Variants in SNX29 observed in about 807,000 individuals in gnomAD.
SNX29 encodes the protein sorting nexin-29.
In SNX29, 78 loss-of-function variants were observed where a neutral mutation model predicts 102.1. The ratio of observed to expected loss-of-function variants is 0.76; its 90% CI spans 0.64 to 0.92. The LOEUF is 0.92. Ranked by LOEUF, SNX29 falls within the 40% of genes least tolerant of loss-of-function variation. The pLI is 0.00. For missense variants in SNX29, 1,280 were observed against 1,061.7 expected, an observed-to-expected ratio of 1.21 and a Z score of -2.86; for synonymous variants, 580 against 414.5, an observed-to-expected ratio of 1.40 and a Z score of -4.85.
At chr16:12,306,826 C>T (rs1298910304) in intron 15 of SNX29, among the ~76,000 whole-genome samples, 1 of 152,192 alleles carries the variant, frequency 6.6e-6, no homozygotes, top group Non-Finnish European at 1.5e-5. Flanking sequence ...TCCCTGGTGG[C>T]CAGCCCCTAG....
chr16:12,263,829 C>T (rs1225790969), intron 14 of SNX29, among the ~76,000 whole-genome samples: 1 of 152,144 alleles, frequency 6.6e-6, no homozygotes, highest in African/African-American at 2.4e-5. Context: ...GTAATTCAGT[C>T]AGGAAGGAAT....
At chr16:12,544,947 C>G (rs1313406781) in intron 20 of SNX29, among the ~76,000 whole-genome samples, 2 of 152,210 alleles carry the variant, frequency 1.3e-5, no homozygotes, top group African/African-American at 4.8e-5. Context: ...CACTGTATTT[C>G]CAGATGAGGA....
At chr16:12,237,098 T>A (rs1341395155) in intron 14 of SNX29, among the ~76,000 whole-genome samples, 1 of 152,178 alleles carries the variant, frequency 6.6e-6, no homozygotes, top group African/African-American at 2.4e-5. Flanking sequence ...GTTGGCTGTT[T>A]GCAGCAGTTG....
intron 15 of SNX29, among the ~76,000 whole-genome samples, chr16:12,302,712 C>T (rs1212983546): frequency 6.6e-6 from 1 of 152,252 alleles, no homozygotes; most frequent in East Asian, 1.9e-4. Context: ...CACAAACATT[C>T]AGACCATAGT....
rs540952612 is a variant in SNX29, at chr16:12,530,434, A to G, written c.2318+5593A>G. Among the ~76,000 whole-genome samples the G allele has an allele frequency of 4.1e-4, 62 of 152,276 alleles. 5 individuals carry two copies. The South Asian group carries it at 0.013, about 31-fold the overall frequency. On this transcript the variant is annotated intron_variant, in intron 20 of 20. Coordinates refer to ENST00000566228, the MANE Select transcript of SNX29 (RefSeq NM_032167.5). ...TGAGGAAGTAAACAGCACCCACCCC[A>G]TGCACACCTACCCTTGCACTCACTG... is the stretch of plus-strand genomic sequence containing the variant.
chr16:12,396,714 A>G (rs528763880), intron 16 of SNX29, among the ~76,000 whole-genome samples: 3 of 152,348 alleles, frequency 2.0e-5, no homozygotes, highest in South Asian at 4.1e-4. Flanking sequence ...GGAAGGCACC[A>G]TCTCTGACAC....
In SNX29 at chr16:12,524,815, C is replaced by T. The variant is rs750764942; in HGVS notation, c.2292C>T (p.Thr764=). 6.2e-7 allele frequency: 1 copy of T among 1,613,496 alleles called. No homozygotes were observed. Among genetic ancestry groups the T allele is most frequent in the South Asian group, 1.1e-5 (1 of 91,042 alleles). ...PEFAASPKKE[T]LIQLMPFFVD... Reference sequence around the variant, plus strand: ...TCGCTGCCAGCCCCAAGAAGGAGACCCTCATCCAGCTGATGCCCTTCTTCG... The same window carrying T: ...TCGCTGCCAGCCCCAAGAAGGAGACTCTCATCCAGCTGATGCCCTTCTTCG... Residue 764 remains threonine (T), a synonymous_variant, in exon 20 of 21, where the codon ACC becomes ACT. Coordinates refer to ENST00000566228, the MANE Select transcript of SNX29 (RefSeq NM_032167.5).
intron 16 of SNX29, among the ~76,000 whole-genome samples, chr16:12,397,695 C>G (rs1459169740): frequency 6.6e-6 from 1 of 152,216 alleles, no homozygotes; most frequent in Non-Finnish European, 1.5e-5. Flanking sequence ...ACATCTACCA[C>G]TACTGGGCAT....
intron 14 of SNX29, among the ~76,000 whole-genome samples, chr16:12,253,494 G>A (rs2078480597): frequency 1.3e-5 from 2 of 152,148 alleles, no homozygotes; most frequent in Non-Finnish European, 2.9e-5. Context: ...GGAGTGTGGG[G>A]AGATCATGAC....
At chr16:12,047,720 G>T (rs142395091) in intron 6 of SNX29, among the ~76,000 whole-genome samples, 6 of 149,782 alleles carry the variant, frequency 4.0e-5, no homozygotes, top group African/African-American at 1.5e-4. Context: ...TGCAATGGCA[G>T]GATCTTGGCT....
At chr16:12,034,402 A>G (rs995484485) in intron 4 of SNX29, among the ~76,000 whole-genome samples, 1 of 152,168 alleles carries the variant, frequency 6.6e-6, no homozygotes, top group Non-Finnish European at 1.5e-5. Flanking sequence ...GATGTCTGCT[A>G]AAGGTGCAGA....
chr16:12,497,292 T>C (rs1428940261), intron 19 of SNX29, among the ~76,000 whole-genome samples: 2 of 152,250 alleles, frequency 1.3e-5, no homozygotes, highest in African/African-American at 4.8e-5. Flanking sequence ...CACAAACCTG[T>C]ATTGAATATC....
chr16:12,379,025 G>A (rs2082980019), intron 16 of SNX29, among the ~76,000 whole-genome samples: 1 of 152,184 alleles, frequency 6.6e-6, no homozygotes, highest in South Asian at 2.1e-4. Flanking sequence ...CTCACCCTTG[G>A]ATCACATCTC....
At chr16:12,322,181 G>T (rs2080960435) in intron 15 of SNX29, among the ~76,000 whole-genome samples, 1 of 152,182 alleles carries the variant, frequency 6.6e-6, no homozygotes, top group Non-Finnish European at 1.5e-5. Context: ...GGGACCTAGG[G>T]TAGAACCCAT....
intron 18 of SNX29, among the ~76,000 whole-genome samples, chr16:12,476,384 ATATATATATATATATATATATAT>A (rs2087615385): frequency 1.4e-4 from 1 of 7,374 alleles, no homozygotes; most frequent in African/African-American, 5.5e-4. Context: ...AAAAAAAAAA[ATATATATATATATATATATATAT>A]ATATACATAT....
chr16:12,538,873 C>T (rs1188612017), intron 20 of SNX29, among the ~76,000 whole-genome samples: 1 of 150,912 alleles, frequency 6.6e-6, no homozygotes. Flanking sequence ...GTAGATGGGG[C>T]CATTTGTACA....
intron 15 of SNX29, among the ~76,000 whole-genome samples, chr16:12,332,713 T>G (rs1408129494): frequency 6.6e-6 from 1 of 152,172 alleles, no homozygotes; most frequent in African/African-American, 2.4e-5. Flanking sequence ...CACCTCTGTC[T>G]TTCTCTTATC....
At chr16:12,329,357 A>G (rs1034475794) in intron 15 of SNX29, among the ~76,000 whole-genome samples, 4 of 151,622 alleles carry the variant, frequency 2.6e-5, no homozygotes, top group Admixed American at 2.0e-4. Context: ...CTGTAGGCAA[A>G]GACCTGGGAT....
At chr16:12,047,202 T>G (rs1476455494) in intron 6 of SNX29, among the ~76,000 whole-genome samples, 1 of 152,200 alleles carries the variant, frequency 6.6e-6, no homozygotes, top group African/African-American at 2.4e-5. Context: ...GTCGCACACA[T>G]GACGAGTCAA....
Sources: allele counts gnomAD v4.1 joint callset (sites outside exome capture counted in the v4.1 genomes callset), GRCh38; gene constraint gnomAD v4.1.1; transcripts MANE v1.5; gene names NCBI Gene and HGNC (gene_info 2026-07-23, HGNC 2026-07-21).